SVIL: variants seen among roughly 807,000 people sequenced by gnomAD.
SVIL encodes archvillin.
A neutral mutation model predicts 240.4 loss-of-function variants in SVIL; 101 were observed. That is an observed-to-expected ratio of 0.42 (90% confidence interval 0.36 to 0.50). The LOEUF is 0.50. SVIL is among the 20% of genes least tolerant of loss of function. The pLI is 0.01. For missense variants in SVIL, 2,512 were observed against 2,818.7 expected (o/e 0.89, Z 2.46); for synonymous variants, 999 against 1,100.0 (o/e 0.91, Z 1.82).
At chr10:29,640,624 T>C (rs1958452614) in intron 3 of SVIL, among the ~76,000 whole-genome samples, 1 of 152,198 alleles carries the variant, frequency 6.6e-6, no homozygotes, top group Admixed American at 6.5e-5. Context: ...AACTTGTACC[T>C]GGTTTCCTAC....
rs1947234500 is a variant in SVIL at position 29,484,766 on chromosome 10, T to C, written c.4845A>G (p.Gln1615=). 5 of 1,614,092 alleles carry C rather than the reference T, an allele frequency of 3.1e-6. No individual in the cohort carries two copies. The highest frequency in any genetic ancestry group is 1.6e-4 in the Middle Eastern group (1 of 6,062). ...VWHGKEVTLA[Q]RKIAFQLAKH... ...TTGCCAGCTGAAATGCTATTTTTCG[T>C]TGTGCTAATGTGACTTCTTTCCCAT... is the stretch of plus-strand genomic sequence containing the variant. Residue 1615 remains glutamine (Q), a synonymous_variant, in exon 27 of 38, where the codon CAA becomes CAG. Transcript: ENST00000355867. The surrounding 1 kb of genome is among the most constrained non-coding windows in gnomAD (Gnocchi z 4.7).
In SVIL at chr10:29,523,806, C is replaced by G. The variant is rs1950714248; in HGVS notation, c.2808G>C (p.Glu936Asp). The G allele has an allele frequency of 6.2e-7, 1 of 1,614,110 alleles. No homozygotes were observed. Among genetic ancestry groups the G allele is most frequent in the Admixed American group, 1.7e-5 (1 of 60,006 alleles). The change falls in exon 15 of 38, where the codon GAG becomes GAC. Residue 936 changes from glutamate (E) to aspartate (D), a missense_variant. Glu to Asp is a conservative substitution (Grantham distance 45). Transcript: ENST00000355867. ...LKSQAWQPLV[E>D]GSENKGMLRE... is the part of the protein sequence containing the mutation. ...TCAACATTCCCTTGTTCTCGCTACC[C>G]TCTACCAAAGGCTGCCAAGCTTGCG...
rs868049714 is a variant in SVIL at position 29,529,199 on chromosome 10, A to G, written c.2246+506T>C. Among the ~76,000 whole-genome samples, 121 of 151,068 alleles carry G rather than the reference A, an allele frequency of 8.0e-4. 1 individual carries two copies. The South Asian group carries it at 0.018, about 22-fold the overall frequency. On this transcript the variant is annotated intron_variant, in intron 12 of 37. Transcript: ENST00000355867. The stretch of plus-strand genomic sequence containing the variant: ...TCAAAAAAAAAAAAAAAAAAAAAAA[A>G]AAAAGAAAAAAAGAAAAGAGATTTC...
At chr10:29,654,071 TA>T (rs994485150) in intron 3 of SVIL, among the ~76,000 whole-genome samples, 1 of 152,134 alleles carries the variant, frequency 6.6e-6, no homozygotes, top group Non-Finnish European at 1.5e-5. Flanking sequence ...ACTTGTCAAT[TA>T]AAAAAATTCA....
intron 22 of SVIL, among the ~76,000 whole-genome samples, chr10:29,490,585 T>TAA (rs57898945): frequency 0.012 from 928 of 76,184 alleles, 9 homozygotes; most frequent in African/African-American, 0.061. Flanking sequence ...CCCCAGTCTT[T>TAA]AAAAAAAAAA....
intron 2 of SVIL, among the ~76,000 whole-genome samples, chr10:29,685,571 G>A (rs754800396): frequency 5.3e-5 from 8 of 152,238 alleles, no homozygotes; most frequent in South Asian, 4.1e-4. Flanking sequence ...CCACAACCTC[G>A]CCGGCATCTG....
At chr10:29,716,553 G>A (rs1014391318) in intron 1 of SVIL, among the ~76,000 whole-genome samples, 15 of 152,288 alleles carry the variant, frequency 9.8e-5, no homozygotes, top group African/African-American at 3.1e-4. Flanking sequence ...TACATAAAAA[G>A]TCAAAGATAA....
In SVIL at chr10:29,532,070, T is replaced by G. The variant is rs747598300; in HGVS notation, c.1941A>C (p.Glu647Asp). The G allele has an allele frequency of 6.2e-7, 1 of 1,614,158 alleles. No homozygotes were observed. ...RKPRRYFSPG[E>D]SRKTSERFRT... ...TAAATCTCTCGGAAGTTTTTCTACT[T>G]TCACCAGGAGAAAAATAGCGTCTTG... The change falls in exon 9 of 38, where the codon GAA becomes GAC. Residue 647 changes from glutamate (E) to aspartate (D), a missense_variant. Coordinates refer to ENST00000355867, the MANE Select transcript of SVIL (RefSeq NM_021738.3).
At chr10:29,651,116 C>A (rs564038466) in intron 3 of SVIL, among the ~76,000 whole-genome samples, 1 of 152,204 alleles carries the variant, frequency 6.6e-6, no homozygotes, top group African/African-American at 2.4e-5. Flanking sequence ...CTTCTCCGAA[C>A]CCCAGCCTCA....
chr10:29,615,030 C>A (rs959522607), intron 1 of SVIL, among the ~76,000 whole-genome samples: 1 of 151,960 alleles, frequency 6.6e-6, no homozygotes, highest in South Asian at 2.1e-4. Flanking sequence ...GTTAAGTTAT[C>A]CCCCCATGCT....
chr10:29,616,784 G>A (rs1187369220), intron 1 of SVIL, among the ~76,000 whole-genome samples: 3 of 152,270 alleles, frequency 2.0e-5, no homozygotes, highest in South Asian at 2.1e-4. Flanking sequence ...GTGCAGTGGC[G>A]TGATCTCTGC....
At chr10:29,670,737 C>A (rs1959704201) in intron 2 of SVIL, among the ~76,000 whole-genome samples, 1 of 152,160 alleles carries the variant, frequency 6.6e-6, no homozygotes, top group African/African-American at 2.4e-5. Context: ...TGGAATTGAT[C>A]CCTGCAAGTT....
chr10:29,583,110 C>CG (rs1383601348), intron 1 of SVIL, among the ~76,000 whole-genome samples: 6 of 152,162 alleles, frequency 3.9e-5, no homozygotes, highest in African/African-American at 1.4e-4. Context: ...TAGATCATAG[C>CG]TGTTCTAGAG....
intron 1 of SVIL, among the ~76,000 whole-genome samples, chr10:29,722,060 G>A (rs1182945868): frequency 6.6e-6 from 1 of 151,892 alleles, no homozygotes; most frequent in Non-Finnish European, 1.5e-5. Flanking sequence ...CAACATAGCA[G>A]AACCCTGTCT....
chr10:29,518,791 G>A (rs1235678188), intron 16 of SVIL, among the ~76,000 whole-genome samples: 5 of 152,242 alleles, frequency 3.3e-5, no homozygotes, highest in Admixed American at 6.5e-5. Context: ...GGGAGGCGGA[G>A]GTTGTAGTGA....
intron 6 of SVIL, among the ~76,000 whole-genome samples, chr10:29,546,409 G>A (rs115984990): frequency 0.014 from 2,074 of 152,106 alleles, 51 homozygotes; most frequent in African/African-American, 0.048. Context: ...GAATTCCTGG[G>A]CATCTAACAG....
chr10:29,724,038 G>A lies in SVIL; in HGVS notation c.-400+11713C>T, dbSNP rs189561267. Among the ~76,000 whole-genome samples the A allele has an allele frequency of 2.6e-3, 402 of 152,180 alleles. 1 individual carries two copies. The highest frequency in any genetic ancestry group is 1.7e-3 in the Non-Finnish European group (119 of 68,008). Reference sequence around the variant, plus strand: ...GTATGGGGCAAGGGAAGTATGAACGGGTTTATAAATTGTAGAACTACCAAG... The same window carrying A: ...GTATGGGGCAAGGGAAGTATGAACGAGTTTATAAATTGTAGAACTACCAAG... On this transcript the variant is annotated intron_variant, in intron 1 of 35. Transcript: ENST00000375400.
At chr10:29,704,206 C>T (rs1819740900) in intron 1 of SVIL, among the ~76,000 whole-genome samples, 1 of 152,234 alleles carries the variant, frequency 6.6e-6, no homozygotes, top group East Asian at 1.9e-4. Flanking sequence ...CGTAACCACT[C>T]CTCCCTCAGC....
chr10:29,715,700 C>G (rs1963573402), intron 1 of SVIL, among the ~76,000 whole-genome samples: 1 of 152,186 alleles, frequency 6.6e-6, no homozygotes, highest in South Asian at 2.1e-4. Flanking sequence ...CTTCAGAGAC[C>G]ACTTAATTGT....
Sources: gnomAD v4.1 joint callset for allele counts (sites outside exome capture counted in the v4.1 genomes callset) on GRCh38, gnomAD v4.1.1 for gene constraint, Gnocchi (gnomAD v3.1) non-coding constraint, MANE v1.5 for transcripts, NCBI Gene and HGNC (gene_info 2026-07-23, HGNC 2026-07-21) for gene names.